Variants in ZWINT observed in about 807,000 individuals in gnomAD.
ZWINT encodes ZW10 interacting kinetochore protein.
In ZWINT, 41 loss-of-function variants were observed where a neutral mutation model predicts 41.5. That is an observed-to-expected ratio of 0.99 (90% CI 0.77 to 1.28). The LOEUF (loss-of-function observed/expected upper bound fraction) is 1.28. Ranked by LOEUF, ZWINT falls within the 50% of genes most tolerant of loss-of-function variation. ZWINT has a pLI of 0.00. For synonymous variants in ZWINT, 132 were observed against 126.8 expected (o/e 1.04, Z -0.28); for missense variants, 369 against 329.7 (o/e 1.12, Z -0.92).
In ZWINT at chr10:56,359,792, G is replaced by C; in HGVS notation, c.318C>G (p.His106Gln). 1.2e-6 allele frequency: 2 copies of C among 1,614,068 alleles called. No individual in the cohort carries two copies. The highest frequency in any genetic ancestry group is 1.7e-6 in the Non-Finnish European group (2 of 1,180,012). The change falls in exon 4 of 9, where the codon CAC (histidine) becomes CAG (glutamine). Residue 106 changes from histidine to glutamine, a missense_variant. Transcript: ENST00000373944. Reference protein sequence around the residue: ...WKELKATYREHVEAIKIGLTK... With the variant: ...WKELKATYREQVEAIKIGLTK... ...TGAGGCCAATTTTGATGGCCTCTAC[G>C]TGCTCCCTGTAGGTGGCCTTCAGCT...
intron 5 of ZWINT, among the ~76,000 whole-genome samples, 173 bp from the exon 6 acceptor site, chr10:56,359,120 C>T (rs1251303048): frequency 3.3e-5 from 5 of 152,124 alleles, no homozygotes; most frequent in Non-Finnish European, 7.3e-5. Flanking sequence ...TCAGAATGAG[C>T]TGTTCTAGGG....
chr10:56,359,505 C>T lies in ZWINT; in HGVS notation c.451G>A (p.Ala151Thr). The T allele has an allele frequency of 6.4e-7, 1 of 1,551,784 alleles. No homozygotes were observed. The highest frequency in any genetic ancestry group is 8.7e-7 in the Non-Finnish European group (1 of 1,153,424). The change falls in exon 5 of 9, where the codon GCA (alanine) becomes ACA (threonine). Residue 151 changes from alanine to threonine, a missense_variant. Transcript: ENST00000373944. ...TGTAGCTGCCACTGGTTCTGGACTG[C>T]TCTGCGTTTCTCCATGGCCATTTGT... is the stretch of plus-strand genomic sequence containing the variant. Reference protein sequence around the residue: ...KKQMAMEKRRAVQNQWQLQQE... With the variant: ...KKQMAMEKRRTVQNQWQLQQE...
intron 1 of ZWINT, 122 bp downstream of exon 1, chr10:56,361,074 A>T: frequency 1.9e-6 from 2 of 1,064,234 alleles, no homozygotes; most frequent in Non-Finnish European, 2.7e-6. Flanking sequence ...GGTGAGGATC[A>T]CTTCACGGCA....
At chr10:56,359,357 T>G in intron 5 of ZWINT, 119 bp downstream of exon 5, 1 of 886,446 alleles carries the variant, frequency 1.1e-6, no homozygotes, top group Non-Finnish European at 1.7e-6. Context: ...CAAGCCCATG[T>G]TGGTATTTAT....
Position 56,360,327 on chromosome 10 carries a change from TCTGCCTCCTC to T in ZWINT, c.88_97del (p.Glu30AsnfsTer27). ...CTCAACCAGGATCTTGGCTGGCAGT[TCTGCCTCCTC>T]CTGCAGGCCTACAGGTTCCAAGATG... is the stretch of plus-strand genomic sequence containing the variant. On this transcript the variant is annotated frameshift_variant, in exon 2 of 9. Transcript: ENST00000373944. LOFTEE classifies it high-confidence loss of function. 5.0e-6 allele frequency: 8 copies of T among 1,614,194 alleles called. No homozygotes were observed. The highest frequency in any genetic ancestry group is 6.8e-6 in the Non-Finnish European group (8 of 1,180,024).
rs925278219 is a variant in ZWINT, at chr10:56,358,015, T to C, written c.*212A>G. 10 of 530,034 alleles carry C rather than the reference T, an allele frequency of 1.9e-5. No homozygotes were observed. The highest frequency in any genetic ancestry group is 6.1e-5 in the Admixed American group (3 of 49,488). 32.8% of individuals were successfully genotyped at this position (530,034 alleles called of 1,614,324 possible). A position where few individuals can be genotyped will look rare whatever the true frequency, so the allele number is the denominator to read the frequency against. On this transcript the variant is annotated 3_prime_UTR_variant, in exon 9 of 9. Transcript: ENST00000373944. ...ATTGGCTTCTGAGTATCTGTATTAATAGTTGTTCCTGCCAGCATATGAAGA... is the reference window on the plus strand; with the variant it reads ...ATTGGCTTCTGAGTATCTGTATTAACAGTTGTTCCTGCCAGCATATGAAGA...
chr10:56,360,891 G>A (rs1281068571), intron 1 of ZWINT, among the ~76,000 whole-genome samples: 1 of 152,120 alleles, frequency 6.6e-6, no homozygotes, highest in Non-Finnish European at 1.5e-5. Flanking sequence ...GGGCAGGGAT[G>A]GGGATGAGAA....
Position 56,361,215 on chromosome 10 carries a change from C to G in ZWINT, c.22G>C (p.Ala8Pro), listed in dbSNP as rs1554799233. 6.2e-7 allele frequency: 1 copy of G among 1,613,100 alleles called. No individual in the cohort carries two copies. The highest frequency in any genetic ancestry group is 1.3e-5 in the African/African-American group (1 of 75,064). MEAAETEAEAAALEVLAE... is the reference protein window; with the variant it reads MEAAETEPEAAALEVLAE... ...ACTTACTCTAGGGCTGCAGCTTCCG[C>G]CTCTGTCTCCGCTGCCTCCATCTTT... is the stretch of plus-strand genomic sequence containing the variant. The change falls in exon 1 of 9, where the codon GCG becomes CCG. Residue 8 changes from alanine (A) to proline (P), a missense_variant. Ala to Pro is a conservative substitution (Grantham distance 27). Coordinates refer to ENST00000373944, the MANE Select transcript of ZWINT (RefSeq NM_007057.4).
At chr10:56,358,762 AGC>A (rs780996594) in intron 6 of ZWINT, 38 bp from the exon 7 acceptor site, 1 of 1,613,940 alleles carries the variant, frequency 6.2e-7, no homozygotes, top group Non-Finnish European at 8.5e-7. Flanking sequence ...AAGGAATCTC[AGC>A]TGGACCATTT....
Position 56,357,965 on chromosome 10 carries a change from A to C in ZWINT, c.*262T>G, listed in dbSNP as rs1838209480. 1 of 447,458 alleles carries C rather than the reference A, an allele frequency of 2.2e-6. No individual in the cohort carries two copies. Among genetic ancestry groups the C allele is most frequent in the Non-Finnish European group, 4.5e-6 (1 of 220,484 alleles). 27.7% of individuals were successfully genotyped at this position (447,458 alleles called of 1,614,324 possible). A position where few individuals can be genotyped will look rare whatever the true frequency, so the allele number is the denominator to read the frequency against. ...TCCCCATCTGCACACCCTGTGTTCA[A>C]ACCAGTCCCAGCTCCTGTCATGTTA... is the stretch of plus-strand genomic sequence containing the variant. On this transcript the variant is annotated 3_prime_UTR_variant, in exon 9 of 9. Coordinates refer to ENST00000373944, the MANE Select transcript of ZWINT (RefSeq NM_007057.4).
Position 56,357,733 on chromosome 10 carries a change from C to T in ZWINT, c.*494G>A, listed in dbSNP as rs1461299472. On this transcript the variant is annotated 3_prime_UTR_variant, in exon 9 of 9. Transcript: ENST00000373944. The stretch of plus-strand genomic sequence containing the variant: ...AGATACCAAGAATGTTAACACTAGG[C>T]TGTACATCCTAAAACAGTCAGATGA... 3.9e-6 allele frequency: 1 copy of T among 256,596 alleles called. No homozygotes were observed. Among genetic ancestry groups the T allele is most frequent in the Non-Finnish European group, 7.7e-6 (1 of 130,238 alleles). 15.9% of individuals were successfully genotyped at this position (256,596 alleles called of 1,614,324 possible). A position where few individuals can be genotyped will look rare whatever the true frequency, so the allele number is the denominator to read the frequency against.
chr10:56,358,492 G>GCCAATCTC, intron 7 of ZWINT, 33 bp from the exon 8 acceptor site: 1 of 1,613,950 alleles, frequency 6.2e-7, no homozygotes, highest in Non-Finnish European at 8.5e-7. Context: ...AGTGGGTAAG[G>GCCAATCTC]CCAATCTCCC....
rs1444792304 is a variant in ZWINT at position 56,358,084 on chromosome 10, C to T, written c.*143G>A. 1.6e-6 allele frequency: 1 copy of T among 612,472 alleles called. No homozygotes were observed. Among genetic ancestry groups the T allele is most frequent in the South Asian group, 1.4e-5 (1 of 72,284 alleles). 37.9% of individuals were successfully genotyped at this position (612,472 alleles called of 1,614,324 possible). On this transcript the variant is annotated 3_prime_UTR_variant, in exon 9 of 9. Coordinates refer to ENST00000373944, the MANE Select transcript of ZWINT (RefSeq NM_007057.4). ...AGAGAGATCCAGGGATTTTAATCCA[C>T]AGATGCCAGAGCTTGCTGGGATGTA...
chr10:56,359,281 A>T (rs527759088), intron 5 of ZWINT, among the ~76,000 whole-genome samples, 195 bp downstream of exon 5: 11 of 152,348 alleles, frequency 7.2e-5, no homozygotes, highest in African/African-American at 2.4e-4. Context: ...TTCATTTTAA[A>T]TAAAGAAACA....
At chr10:56,358,257 T>G in intron 8 of ZWINT, 72 bp from the exon 9 acceptor site, 1 of 915,412 alleles carries the variant, frequency 1.1e-6, no homozygotes, top group Admixed American at 1.7e-5. Flanking sequence ...AGCTCTTTCC[T>G]GTTCCCACCA....
chr10:56,359,797 C>A lies in ZWINT; in HGVS notation c.313G>T (p.Glu105Ter). Residue 105 changes from glutamate to a stop codon, truncating the protein, a stop_gained, in exon 4 of 9, where the codon GAG becomes TAG. Transcript: ENST00000373944. LOFTEE classifies it high-confidence loss of function. ...QWKELKATYREHVEAIKIGLT... is the reference protein window; with the variant it reads ...QWKELKATYR ...CCAATTTTGATGGCCTCTACGTGCT[C>A]CCTGTAGGTGGCCTTCAGCTCTTTC... is the stretch of plus-strand genomic sequence containing the variant. The A allele has an allele frequency of 1.9e-6, 3 of 1,614,170 alleles. No individual in the cohort carries two copies. In the South Asian group the frequency reaches 3.3e-5, roughly 18 times the overall value.
At position 56,358,362 on chromosome 10, in the gene ZWINT, T is replaced by G; in HGVS notation, c.*41+15A>C. 2 of 1,604,142 alleles carry G rather than the reference T, an allele frequency of 1.2e-6. No individual in the cohort carries two copies. Among genetic ancestry groups the G allele is most frequent in the Non-Finnish European group, 1.7e-6 (2 of 1,170,962 alleles). On this transcript the variant is annotated intron_variant, in intron 8 of 8. Coordinates refer to ENST00000373944, the MANE Select transcript of ZWINT (RefSeq NM_007057.4). ...CTTGCAGTCCAGGGACACCAAGGCC[T>G]GAGTTGGGTCTGACCTTTTCTAGGA...
In ZWINT at chr10:56,360,318, G is replaced by C; in HGVS notation, c.107C>G (p.Ala36Gly). 1 of 1,614,138 alleles carries C rather than the reference G, an allele frequency of 6.2e-7. No homozygotes were observed. The highest frequency in any genetic ancestry group is 1.1e-5 in the South Asian group (1 of 91,070). ...VGLQEEAELP[A>G]KILVEFVVDS... is the part of the protein sequence containing the mutation. ...CACCACAAACTCAACCAGGATCTTG[G>C]CTGGCAGTTCTGCCTCCTCCTGCAG... Residue 36 changes from alanine to glycine, a missense_variant, in exon 2 of 9, where the codon GCC becomes GGC. By Grantham distance (60) the Ala-to-Gly change is moderately conservative. Coordinates refer to ENST00000373944, the MANE Select transcript of ZWINT (RefSeq NM_007057.4).
At chr10:56,359,639 CCTTT>C in intron 4 of ZWINT, 44 bp downstream of exon 4, 2 of 1,610,458 alleles carry the variant, frequency 1.2e-6, no homozygotes, top group Non-Finnish European at 8.5e-7. Context: ...TTTCCCTCTT[CCTTT>C]CTAACTGCCC....
Sources: allele counts gnomAD v4.1 joint callset (sites outside exome capture counted in the v4.1 genomes callset), GRCh38; gene constraint gnomAD v4.1.1; transcripts MANE v1.5; gene names NCBI Gene and HGNC (gene_info 2026-07-23, HGNC 2026-07-21).